Variants in RAPGEF2 observed in about 807,000 individuals in gnomAD.
RAPGEF2 encodes Rap guanine nucleotide exchange factor 2, also known as PDZ domain containing guanine nucleotide exchange factor (GEF) 1.
A neutral mutation model predicts 186.7 loss-of-function variants in RAPGEF2; 54 were observed. That is an observed-to-expected ratio of 0.29 (90% CI 0.23 to 0.36). The LOEUF (loss-of-function observed/expected upper bound fraction) is 0.36, where lower values mean the gene tolerates loss of function less well. Among genes scored for constraint, RAPGEF2 ranks in the 10% least tolerant of loss-of-function variants. The pLI, the probability that RAPGEF2 is intolerant of heterozygous loss-of-function variation, is 1.00. For synonymous variants in RAPGEF2, 712 were observed against 705.9 expected, an observed-to-expected ratio of 1.01 and a Z score of -0.14; for missense variants, 1,532 against 2,045.0, an observed-to-expected ratio of 0.75 and a Z score of 4.84.
intron 3 of RAPGEF2, among the ~76,000 whole-genome samples, chr4:159,195,953 A>G (rs570656074): frequency 1.4e-5 from 2 of 140,500 alleles, no homozygotes; most frequent in East Asian, 2.1e-4. Flanking sequence ...CTATGCTGAT[A>G]ATGCCAAGCC....
At chr4:159,215,665 A>G (rs1750932309) in intron 4 of RAPGEF2, among the ~76,000 whole-genome samples, 1 of 152,258 alleles carries the variant, frequency 6.6e-6, no homozygotes, top group Non-Finnish European at 1.5e-5. Context: ...ATTTAATCAT[A>G]AACAACATCT....
intron 1 of RAPGEF2, among the ~76,000 whole-genome samples, chr4:159,144,348 T>C (rs1306892943): frequency 6.6e-6 from 1 of 152,246 alleles, no homozygotes; most frequent in African/African-American, 2.4e-5. Flanking sequence ...GCATTTGATC[T>C]AGTCCCTTAG....
At chr4:159,352,186 T>C (rs1008760425) in intron 26 of RAPGEF2, among the ~76,000 whole-genome samples, 6 of 152,192 alleles carry the variant, frequency 3.9e-5, no homozygotes, top group African/African-American at 1.4e-4. Context: ...CATCTTCAGG[T>C]CTTATTTCTT....
chr4:159,293,370 A>G (rs1035046473), intron 7 of RAPGEF2, among the ~76,000 whole-genome samples: 2 of 152,198 alleles, frequency 1.3e-5, no homozygotes, highest in African/African-American at 4.8e-5. Context: ...TAGTTGTAAG[A>G]TGCATGACAG....
At position 159,145,733 on chromosome 4, in the gene RAPGEF2, G is replaced by A. The variant is rs1206976184; in HGVS notation, c.70-40909G>A. Among the ~76,000 whole-genome samples, 3 of 152,190 alleles carry A rather than the reference G, an allele frequency of 2.0e-5. No homozygotes were observed. In the East Asian group the frequency reaches 5.8e-4, roughly 29 times the overall value. On this transcript the variant is annotated intron_variant, in intron 1 of 29. Transcript: ENST00000691494. ...TATATGTTTAAGAGGTATTAGTAAG[G>A]ATCACAGTGATTGGGCCTGAGGGGA...
chr4:159,182,341 CTA>C (rs971844422), intron 1 of RAPGEF2, among the ~76,000 whole-genome samples: 1 of 143,632 alleles, frequency 7.0e-6, no homozygotes, highest in African/African-American at 2.5e-5. Flanking sequence ...GTAAAATAGT[CTA>C]AAATATTTTA....
intron 7 of RAPGEF2, among the ~76,000 whole-genome samples, chr4:159,250,830 G>A (rs1410444488): frequency 8.5e-5 from 13 of 152,126 alleles, no homozygotes; most frequent in Non-Finnish European, 1.9e-4. Flanking sequence ...CCATCCTGGA[G>A]GAGCCCTTCA....
intron 1 of RAPGEF2, among the ~76,000 whole-genome samples, chr4:159,119,823 G>A (rs184986692): frequency 4.2e-4 from 64 of 152,184 alleles, no homozygotes; most frequent in Non-Finnish European, 8.1e-4. Context: ...ATTGATTTAA[G>A]GATATTGGCA....
intron 1 of RAPGEF2, among the ~76,000 whole-genome samples, chr4:159,143,708 G>T (rs1742602156): frequency 6.6e-6 from 1 of 152,158 alleles, no homozygotes; most frequent in Non-Finnish European, 1.5e-5. Context: ...ACTTACTGGG[G>T]AGCTGGATGG....
intron 1 of RAPGEF2, among the ~76,000 whole-genome samples, chr4:159,174,097 A>T (rs1415594972): frequency 6.6e-6 from 1 of 152,242 alleles, no homozygotes; most frequent in Non-Finnish European, 1.5e-5. Flanking sequence ...TTTGTTAACA[A>T]AATGAGTTTT....
Position 159,144,522 on chromosome 4 carries a change from T to C in RAPGEF2, c.69+40291T>C, listed in dbSNP as rs560121283. On this transcript the variant is annotated intron_variant, in intron 1 of 29. Transcript: ENST00000691494. ...TTATGAGCTATGAAGCTATCCTTCA[T>C]CTGTTTCAGTTCTTTCAAATGGTCT... 5.2e-5 allele frequency among the ~76,000 whole-genome samples: 8 copies of C among 152,392 alleles called. No homozygotes were observed. In the South Asian group the frequency reaches 1.7e-3, roughly 32 times the overall value.
chr4:159,186,267 A>T (rs761194267), intron 1 of RAPGEF2, among the ~76,000 whole-genome samples: 3 of 152,054 alleles, frequency 2.0e-5, no homozygotes, highest in Admixed American at 6.6e-5. Flanking sequence ...CATTCATTTT[A>T]TATTGACTAA....
chr4:159,173,480 A>G (rs1210450297), intron 1 of RAPGEF2, among the ~76,000 whole-genome samples: 1 of 152,072 alleles, frequency 6.6e-6, no homozygotes, highest in African/African-American at 2.4e-5. Context: ...TTTGTTGCGG[A>G]GATAGGAGTT....
intron 1 of RAPGEF2, among the ~76,000 whole-genome samples, chr4:159,111,735 A>G (rs1044797069): frequency 6.6e-6 from 1 of 152,206 alleles, no homozygotes; most frequent in African/African-American, 2.4e-5. Flanking sequence ...TTATTTTTTA[A>G]TGACCAGTCT....
intron 1 of RAPGEF2, among the ~76,000 whole-genome samples, chr4:159,167,774 T>A (rs1745485518): frequency 6.6e-6 from 1 of 152,222 alleles, no homozygotes; most frequent in African/African-American, 2.4e-5. Flanking sequence ...AGATCACTGG[T>A]GATCTTGGAG....
chr4:159,182,498 C>T (rs1052496318), intron 1 of RAPGEF2, among the ~76,000 whole-genome samples: 11 of 145,814 alleles, frequency 7.5e-5, no homozygotes, highest in Admixed American at 7.2e-4. Flanking sequence ...TGGGTTCAAG[C>T]GATTCTTCTG....
At chr4:159,281,687 A>G (rs113150876) in intron 7 of RAPGEF2, among the ~76,000 whole-genome samples, 49 of 146,944 alleles carry the variant, frequency 3.3e-4, no homozygotes, top group African/African-American at 7.1e-4. Flanking sequence ...AAAAAAAAAA[A>G]AAAGAAAAGG....
At chr4:159,324,873 C>T (rs955039898) in intron 11 of RAPGEF2, among the ~76,000 whole-genome samples, 6 of 152,048 alleles carry the variant, frequency 3.9e-5, no homozygotes, top group African/African-American at 1.4e-4. Context: ...TAATTTATGA[C>T]GTCTTCTAAA....
chr4:159,225,565 G>A (rs1751950091), intron 4 of RAPGEF2, among the ~76,000 whole-genome samples: 1 of 152,174 alleles, frequency 6.6e-6, no homozygotes, highest in East Asian at 1.9e-4. Context: ...CTCCCACACT[G>A]TTTTCCACAG....
Sources: gnomAD v4.1 joint callset for allele counts (sites outside exome capture counted in the v4.1 genomes callset) on GRCh38, gnomAD v4.1.1 for gene constraint, MANE v1.5 for transcripts, NCBI Gene and HGNC (gene_info 2026-07-23, HGNC 2026-07-21) for gene names.